PTPRN2: variants seen among roughly 807,000 people sequenced by gnomAD.
PTPRN2 encodes the protein receptor-type tyrosine-protein phosphatase N2.
In PTPRN2, 74 loss-of-function variants were observed where a neutral mutation model predicts 118.8. The ratio of observed to expected loss-of-function variants is 0.62; its 90% confidence interval spans 0.52 to 0.76. The LOEUF is 0.76. Ranked by LOEUF, PTPRN2 falls within the 30% of genes least tolerant of loss-of-function variation. The pLI, the probability that PTPRN2 is intolerant of heterozygous loss-of-function variation, is 0.00. For synonymous variants in PTPRN2, 641 were observed against 608.0 expected, an observed-to-expected ratio of 1.05 and a Z score of -0.80; for missense variants, 1,481 against 1,394.4, an observed-to-expected ratio of 1.06 and a Z score of -0.99.
chr7:157,542,960 G>A (rs1179840812), intron 22 of PTPRN2, among the ~76,000 whole-genome samples: 4 of 152,154 alleles, frequency 2.6e-5, no homozygotes, highest in Admixed American at 6.5e-5. Flanking sequence ...ATGCGGCGCC[G>A]GGATGTAGCA....
chr7:158,275,662 T>C (rs1227558443), intron 3 of PTPRN2, among the ~76,000 whole-genome samples: 1 of 152,240 alleles, frequency 6.6e-6, no homozygotes, highest in Non-Finnish European at 1.5e-5. Context: ...CAAGTAATTT[T>C]TGTTCTTTGG....
At position 158,268,760 on chromosome 7, in the gene PTPRN2, C is replaced by T. The variant is rs555397781; in HGVS notation, c.277+48059G>A. 2.5e-3 allele frequency among the ~76,000 whole-genome samples: 328 copies of T among 133,292 alleles called. 7 individuals carry two copies. The highest frequency in any genetic ancestry group is 8.2e-3 in the African/African-American group (285 of 34,794). The allele number at this position is 133,292 out of a possible 152,430, so 87.4% of individuals were successfully genotyped here. On this transcript the variant is annotated intron_variant, in intron 3 of 22. Transcript: ENST00000389418. ...TATCCCAGCCCAGCCGCACACAGGGCGGGTGTGAAATATCCCAGCCGCACA... is the reference window on the plus strand; with the variant it reads ...TATCCCAGCCCAGCCGCACACAGGGTGGGTGTGAAATATCCCAGCCGCACA...
In PTPRN2 at chr7:157,591,877, C is replaced by T. The variant is rs113656846; in HGVS notation, c.2496+3361G>A. On this transcript the variant is annotated intron_variant, in intron 17 of 22. Coordinates refer to ENST00000389418, the MANE Select transcript of PTPRN2 (RefSeq NM_002847.5). This position sits in a 1 kb window ranked among gnomAD's most constrained non-coding sequence, Gnocchi z 4.4. ...TTGAAGGATGACGTGGAAGCAATGA[C>T]GTCGTGGTCAGGGACGTCTGCAGGG... Among the ~76,000 whole-genome samples, 5 of 152,294 alleles carry T rather than the reference C, an allele frequency of 3.3e-5. No homozygotes were observed. Among genetic ancestry groups the T allele is most frequent in the African/African-American group, 1.2e-4 (5 of 41,564 alleles).
intron 2 of PTPRN2, among the ~76,000 whole-genome samples, chr7:158,331,573 CCACACTCTCACCATAAGAGCTGAG>C: frequency 1.4e-5 from 2 of 140,860 alleles, no homozygotes; most frequent in African/African-American, 5.7e-5. Flanking sequence ...TCACTCACAC[CCACACTCTCACCATAAGAGCTGAG>C]GACCACAGAG....
At chr7:157,599,123 C>T (rs1422412284) in intron 16 of PTPRN2, among the ~76,000 whole-genome samples, 1 of 151,960 alleles carries the variant, frequency 6.6e-6, no homozygotes, top group Non-Finnish European at 1.5e-5. Flanking sequence ...GATTCTCCTG[C>T]CTCAGCCTCC....
At chr7:158,115,815 C>G (rs942082349) in intron 9 of PTPRN2, among the ~76,000 whole-genome samples, 15 of 152,184 alleles carry the variant, frequency 9.9e-5, no homozygotes, top group African/African-American at 3.4e-4. Flanking sequence ...ATCCTGAGGT[C>G]AGCATCAAAC....
intron 3 of PTPRN2, among the ~76,000 whole-genome samples, chr7:158,230,568 A>G (rs1452194399): frequency 6.6e-6 from 1 of 152,118 alleles, no homozygotes; most frequent in African/African-American, 2.4e-5. Context: ...CTTTGTTTCT[A>G]TTCTTTTGTG....
intron 2 of PTPRN2, among the ~76,000 whole-genome samples, chr7:158,424,813 G>C (rs536973326): frequency 1.4e-5 from 2 of 147,938 alleles, no homozygotes; most frequent in African/African-American, 2.5e-5. Context: ...CAGCACCCTC[G>C]AGAAGGTCCG....
At chr7:157,724,849 C>T (rs926919715) in intron 12 of PTPRN2, among the ~76,000 whole-genome samples, 6 of 152,156 alleles carry the variant, frequency 3.9e-5, no homozygotes, top group Non-Finnish European at 7.3e-5. Context: ...GTTGAGTCTG[C>T]TTTCCATGAA....
At chr7:157,943,459 T>C (rs993155245) in intron 11 of PTPRN2, among the ~76,000 whole-genome samples, 24 of 152,164 alleles carry the variant, frequency 1.6e-4, no homozygotes, top group African/African-American at 5.5e-4. Flanking sequence ...ACAGGAAGCA[T>C]CTGCTGGCTC....
chr7:158,075,940 G>A (rs912015472), intron 11 of PTPRN2, among the ~76,000 whole-genome samples: 3 of 152,212 alleles, frequency 2.0e-5, no homozygotes, highest in Non-Finnish European at 2.9e-5. Context: ...GGCTGCCCAG[G>A]CCACACCTCC....
chr7:157,628,867 T>C (rs1108199), intron 14 of PTPRN2, among the ~76,000 whole-genome samples: 46,421 of 152,068 alleles, frequency 0.31, 7,488 homozygotes, highest in East Asian at 0.46. Flanking sequence ...AAATACAACA[T>C]GTCCACTCTC....
At chr7:158,263,960 A>G (rs1452849618) in intron 3 of PTPRN2, among the ~76,000 whole-genome samples, 1 of 152,160 alleles carries the variant, frequency 6.6e-6, no homozygotes, top group African/African-American at 2.4e-5. Flanking sequence ...GGGCCAGCTG[A>G]CCAACTTCAT....
chr7:157,786,958 G>A (rs1407125791), intron 12 of PTPRN2, among the ~76,000 whole-genome samples: 2 of 152,198 alleles, frequency 1.3e-5, no homozygotes, highest in East Asian at 3.9e-4. Context: ...AGTGTCAGCT[G>A]TAGGTCCCAT....
chr7:158,341,977 A>C lies in PTPRN2; in HGVS notation c.164-25045T>G, dbSNP rs1163937895. Among the ~76,000 whole-genome samples, 18 of 147,656 alleles carry C rather than the reference A, an allele frequency of 1.2e-4. No individual in the cohort carries two copies. The East Asian group carries it at 3.1e-3, about 25-fold the overall frequency. ...TCGCCCGCAGACGTCACTCACACCC[A>C]CACTCTCACCATAAGAGGTGACACC... is the stretch of plus-strand genomic sequence containing the variant. On this transcript the variant is annotated intron_variant, in intron 2 of 22. Transcript: ENST00000389418.
At chr7:157,899,290 A>G (rs577564027) in intron 11 of PTPRN2, among the ~76,000 whole-genome samples, 19 of 152,302 alleles carry the variant, frequency 1.2e-4, no homozygotes, top group African/African-American at 4.6e-4. Context: ...CCTGATGTAG[A>G]ATGAGGAAGA....
At chr7:158,059,328 G>GCAGCCACACTCCATCTGCACACGGTGACA (rs1810106051) in intron 11 of PTPRN2, among the ~76,000 whole-genome samples, 1 of 63,686 alleles carries the variant, frequency 1.6e-5, no homozygotes, top group Non-Finnish European at 2.9e-5. Context: ...ACACAGTGAC[G>GCAGCCACACTCCATCTGCACACGGTGACA]CATCACTGCA....
intron 12 of PTPRN2, among the ~76,000 whole-genome samples, chr7:157,773,629 G>C (rs1248269349): frequency 1.3e-5 from 2 of 152,218 alleles, no homozygotes; most frequent in African/African-American, 4.8e-5. Context: ...CCAAGCCCAG[G>C]GCCCTCTCAC....
chr7:157,721,911 G>A (rs1206294606), intron 12 of PTPRN2, among the ~76,000 whole-genome samples: 2 of 152,214 alleles, frequency 1.3e-5, no homozygotes, highest in African/African-American at 4.8e-5. Context: ...AGGCTCAGGG[G>A]TTAAGGGATA....
Sources: gnomAD v4.1 joint callset for allele counts (sites outside exome capture counted in the v4.1 genomes callset) on GRCh38, gnomAD v4.1.1 for gene constraint, Gnocchi (gnomAD v3.1) non-coding constraint, MANE v1.5 for transcripts, NCBI Gene and HGNC (gene_info 2026-07-23, HGNC 2026-07-21) for gene names.